Variants in SYNE2 observed in about 807,000 individuals in gnomAD.
SYNE2 encodes nesprin-2.
SYNE2 carries 431 observed loss-of-function variants against 856.3 expected under a neutral mutation model. The ratio of observed to expected loss-of-function variants is 0.50; its 90% CI spans 0.47 to 0.55. The LOEUF is 0.55. SYNE2 is among the 20% of genes least tolerant of loss of function. The pLI is 0.00. For missense variants in SYNE2, 8,129 were observed against 8,023.2 expected, an observed-to-expected ratio of 1.01 and a Z score of -0.50; for synonymous variants, 2,923 against 2,872.3, an observed-to-expected ratio of 1.02 and a Z score of -0.56.
At chr14:64,018,470 C>G (rs2096911635) in intron 34 of SYNE2, among the ~76,000 whole-genome samples, 1 of 152,176 alleles carries the variant, frequency 6.6e-6, no homozygotes, top group African/African-American at 2.4e-5. Flanking sequence ...TCTTGAGCTC[C>G]TGACCTCGTG....
intron 85 of SYNE2, among the ~76,000 whole-genome samples, chr14:64,155,023 GC>G (rs1293016921): frequency 6.6e-6 from 1 of 152,142 alleles, no homozygotes; most frequent in East Asian, 1.9e-4. Flanking sequence ...CTCACAAACT[GC>G]TGGCCGGGTT....
At chr14:63,924,832 G>GTTTTTTTTTTTTTT (rs1491139905) in intron 2 of SYNE2, among the ~76,000 whole-genome samples, 1,093 of 92,830 alleles carry the variant, frequency 0.012, 372 homozygotes, top group South Asian at 0.018. Context: ...TCCAGCCTTG[G>GTTTTTTTTTTTTTT]TGTTTTTTTT....
chr14:64,212,722 A>C, intron 104 of SYNE2, 89 bp from the exon 105 acceptor site: 1 of 1,188,864 alleles, frequency 8.4e-7, no homozygotes, highest in Non-Finnish European at 1.3e-6. Context: ...TGACATTTGG[A>C]TGCTTTTCTA....
At chr14:64,158,349 A>G (rs140659495) in intron 85 of SYNE2, among the ~76,000 whole-genome samples, 4 of 152,216 alleles carry the variant, frequency 2.6e-5, no homozygotes, top group Admixed American at 2.6e-4. Flanking sequence ...TCTAATACTC[A>G]CCCAGTGTTC....
At chr14:64,032,729 C>T (rs944993341) in intron 45 of SYNE2, among the ~76,000 whole-genome samples, 22 of 152,120 alleles carry the variant, frequency 1.4e-4, no homozygotes, top group Admixed American at 5.9e-4. Flanking sequence ...TGTGCCACCA[C>T]GCCTGGCTAA....
intron 1 of SYNE2, among the ~76,000 whole-genome samples, chr14:63,817,489 C>T (rs1459469589): frequency 6.6e-6 from 1 of 151,586 alleles, no homozygotes; most frequent in African/African-American, 2.4e-5. Context: ...CAAAAACAAA[C>T]AAACAAACAA....
chr14:64,043,652 C>G (rs770801932), intron 45 of SYNE2, among the ~76,000 whole-genome samples: 1 of 152,226 alleles, frequency 6.6e-6, no homozygotes, highest in African/African-American at 2.4e-5. Context: ...AAGCCCCAAG[C>G]CTTGGCAGCT....
chr14:63,928,645 G>A (rs1041409853), intron 2 of SYNE2, among the ~76,000 whole-genome samples: 2 of 152,114 alleles, frequency 1.3e-5, no homozygotes, highest in Non-Finnish European at 1.5e-5. Context: ...ACATGCCTGT[G>A]TGTTTTTATT....
intron 2 of SYNE2, among the ~76,000 whole-genome samples, chr14:63,928,846 C>T (rs539986421): frequency 1.2e-4 from 18 of 152,072 alleles, no homozygotes; most frequent in African/African-American, 4.3e-4. Context: ...TTACCGTGTC[C>T]GTCCTAGCTA....
intron 34 of SYNE2, 45 bp downstream of exon 34, chr14:64,017,801 A>G (rs1442458066): frequency 1.3e-6 from 2 of 1,594,064 alleles, no homozygotes; most frequent in East Asian, 2.2e-5. Context: ...TACACAATTG[A>G]CATTTTTTAT....
rs1243426036 is a variant in SYNE2, at chr14:63,951,223, C to G, written c.590+1217C>G. On this transcript the variant is annotated intron_variant, in intron 7 of 115. Transcript: ENST00000555002. ...AGGGTCATAAATATGTTGCTAAGCCCTTTCAAATGCAGGACTTCAGAGTAA... is the reference window on the plus strand; with the variant it reads ...AGGGTCATAAATATGTTGCTAAGCCGTTTCAAATGCAGGACTTCAGAGTAA... Among the ~76,000 whole-genome samples the G allele has an allele frequency of 2.0e-5, 3 of 152,142 alleles. No individual in the cohort carries two copies. The East Asian group carries it at 5.8e-4, about 29-fold the overall frequency.
chr14:64,142,480 C>T (rs2098146499), intron 82 of SYNE2, among the ~76,000 whole-genome samples: 1 of 152,202 alleles, frequency 6.6e-6, no homozygotes, highest in Admixed American at 6.5e-5. Context: ...CCACGTTTAA[C>T]TGTATACGTC....
At chr14:63,801,018 A>T (rs185326591) in intron 1 of SYNE2, among the ~76,000 whole-genome samples, 1 of 152,354 alleles carries the variant, frequency 6.6e-6, no homozygotes, top group Admixed American at 6.5e-5. Flanking sequence ...GGAATTATGA[A>T]GATAAGTAAG....
intron 1 of SYNE2, among the ~76,000 whole-genome samples, chr14:63,827,651 A>G (rs112226654): frequency 0.022 from 3,160 of 140,792 alleles, 65 homozygotes; most frequent in African/African-American, 0.063. Context: ...AAAAAAAAAA[A>G]AAAAAGAAAG....
chr14:64,073,429 G>C (rs1403477002), intron 52 of SYNE2, among the ~76,000 whole-genome samples: 2 of 152,068 alleles, frequency 1.3e-5, no homozygotes, highest in African/African-American at 4.8e-5. Context: ...TATCTACAAG[G>C]GTATTAAGAG....
chr14:64,174,637 T>G (rs1475900544), intron 94 of SYNE2, among the ~76,000 whole-genome samples: 3 of 152,240 alleles, frequency 2.0e-5, no homozygotes, highest in Non-Finnish European at 4.4e-5. Flanking sequence ...CCATTTACCT[T>G]GCAGGCTATT....
intron 101 of SYNE2, 34 bp from the exon 102 acceptor site, chr14:64,209,394 G>T (rs2098628508): frequency 6.2e-7 from 1 of 1,614,066 alleles, no homozygotes. Flanking sequence ...GCTTGGAGGG[G>T]ATGGCTTGTG....
intron 1 of SYNE2, among the ~76,000 whole-genome samples, chr14:63,826,537 T>C (rs1889437860): frequency 6.6e-6 from 1 of 152,120 alleles, no homozygotes; most frequent in Non-Finnish European, 1.5e-5. Context: ...CTTGACCTCA[T>C]GATCTGCCTG....
At chr14:63,959,999 A>T (rs1002484126) in intron 8 of SYNE2, among the ~76,000 whole-genome samples, 1 of 152,232 alleles carries the variant, frequency 6.6e-6, no homozygotes, top group African/African-American at 2.4e-5. Flanking sequence ...CATCATGATT[A>T]TTTATGCAAA....
Sources: gnomAD v4.1 joint callset for allele counts (sites outside exome capture counted in the v4.1 genomes callset) on GRCh38, gnomAD v4.1.1 for gene constraint, MANE v1.5 for transcripts, NCBI Gene and HGNC (gene_info 2026-07-23, HGNC 2026-07-21) for gene names.